The following MUC4 variants were observed in gnomAD, a reference collection of about 807,000 sequenced individuals.
The protein encoded by MUC4 is mucin 4, cell surface associated.
Under a neutral mutation model 257.9 loss-of-function variants are expected in MUC4, and 202 were observed. The ratio of observed to expected loss-of-function variants is 0.78; its 90% CI spans 0.70 to 0.88. The LOEUF is 0.88. Among genes scored for constraint, MUC4 ranks in the 40% least tolerant of loss-of-function variants. MUC4 has a pLI of 0.00. For synonymous variants in MUC4, 2,351 were observed against 2,757.1 expected (o/e 0.85, Z 4.62); for missense variants, 5,976 against 6,513.7 (o/e 0.92, Z 2.84).
At chr3:195,800,623 C>A (rs1735175696) in intron 1 of MUC4, among the ~76,000 whole-genome samples, 1 of 152,136 alleles carries the variant, frequency 6.6e-6, no homozygotes, top group African/African-American at 2.4e-5. Context: ...AAACAATTTG[C>A]AGATAACTCA....
Position 195,770,351 on chromosome 3 carries a change from A to G in MUC4, c.13263T>C (p.Gly4421=). 1 of 1,613,792 alleles carries G rather than the reference A, an allele frequency of 6.2e-7. No homozygotes were observed. Among genetic ancestry groups the G allele is most frequent in the East Asian group, 2.2e-5 (1 of 44,882 alleles). Residue 4421 remains glycine, a synonymous_variant, in exon 6 of 25, where the codon GGT becomes GGC. Transcript: ENST00000463781. ...CCTGCTGGACTAGCAGGCTGTGTTCACCATAGAACGTCTCGTATTCCTAGG... is the reference window on the plus strand; with the variant it reads ...CCTGCTGGACTAGCAGGCTGTGTTCGCCATAGAACGTCTCGTATTCCTAGG... ...TFYQEYETFY[G]EHSLLVQQAE...
Position 195,747,267 on chromosome 3 carries a change from A to G in MUC4, c.16148T>C (p.Leu5383Pro), listed in dbSNP as rs140904478. The G allele has an allele frequency of 1.0e-3, 1,678 of 1,613,242 alleles. No homozygotes were observed. In the African/African-American group the frequency reaches 0.02, roughly 19 times the overall value. Reference sequence around the variant, plus strand: ...CAGGACCACGAACGTCCCGACCCCCAGCAGCAAGAGGCCGCCCAGGGCCCC... The same window carrying G: ...CAGGACCACGAACGTCCCGACCCCCGGCAGCAAGAGGCCGCCCAGGGCCCC... Reference protein sequence around the residue: ...FFGALGGLLLLGVGTFVVLRF... With the variant: ...FFGALGGLLLPGVGTFVVLRF... The change falls in exon 25 of 25, where the codon CTG becomes CCG. Residue 5383 changes from leucine (L) to proline (P), a missense_variant. Physicochemically the swap from Leu to Pro is moderately conservative, Grantham distance 98 (BLOSUM62 -3). Transcript: ENST00000463781.
rs561801234 is a variant in MUC4 at position 195,788,793 on chromosome 3, G to A, written c.2787C>T (p.Thr929=). The A allele has an allele frequency of 6.7e-5, 108 of 1,613,900 alleles. No individual in the cohort carries two copies. The East Asian group carries it at 1.5e-3, about 23-fold the overall frequency. Residue 929 remains threonine (T), a synonymous_variant, in exon 2 of 25, where the codon ACC becomes ACT. Coordinates refer to ENST00000463781, the MANE Select transcript of MUC4 (RefSeq NM_018406.7). ...TGGGTGGGACTGTTGAGAAGGTGTCGGTTGCCTGGGACGCCAGGCTGATAG... is the reference window on the plus strand; with the variant it reads ...TGGGTGGGACTGTTGAGAAGGTGTCAGTTGCCTGGGACGCCAGGCTGATAG... ...SDTISLASQA[T]DTFSTVPPTP...
chr3:195,794,167 CT>C (rs1397247477), intron 1 of MUC4, among the ~76,000 whole-genome samples: 3 of 151,388 alleles, frequency 2.0e-5, no homozygotes, highest in African/African-American at 4.9e-5. Context: ...TAAATATTGG[CT>C]TTTTTTGTTT....
In MUC4 at chr3:195,762,954, AG is replaced by A; in HGVS notation, c.14254-10del. 1 of 1,548,096 alleles carries A rather than the reference AG, an allele frequency of 6.5e-7. No individual in the cohort carries two copies. Among genetic ancestry groups the A allele is most frequent in the Non-Finnish European group, 8.7e-7 (1 of 1,145,678 alleles). The stretch of plus-strand genomic sequence containing the variant: ...TCAAGGAGCCATTGGACCTGGAAGG[AG>A]ATGGGAGGGGGCCTGAGCCCGACCC... On this transcript the variant is annotated splice_polypyrimidine_tract_variant and intron_variant, in intron 12 of 24. Transcript: ENST00000463781.
In MUC4 at chr3:195,757,378, T is replaced by G. The variant is rs758473241; in HGVS notation, c.14987-50A>C. 27 of 1,516,376 alleles carry G rather than the reference T, an allele frequency of 1.8e-5. No individual in the cohort carries two copies. Among genetic ancestry groups the G allele is most frequent in the Non-Finnish European group, 2.3e-5 (26 of 1,114,330 alleles). 93.9% of individuals were successfully genotyped at this position (1,516,376 alleles called of 1,614,324 possible). A position where few individuals can be genotyped will look rare whatever the true frequency, so the allele number is the denominator to read the frequency against. On this transcript the variant is annotated intron_variant, in intron 17 of 24. Coordinates refer to ENST00000463781, the MANE Select transcript of MUC4 (RefSeq NM_018406.7). This position sits in a 1 kb window ranked among gnomAD's most constrained non-coding sequence, Gnocchi z 4.8. ...TGAGAGCTGGGAGACTCCTCGGCTC[T>G]GTGGTCTGATTGCTGATACGGGGCT...
In MUC4 at chr3:195,788,611, G is replaced by A. The variant is rs774084909; in HGVS notation, c.2969C>T (p.Thr990Ile). The change falls in exon 2 of 25, where the codon ACC (threonine) becomes ATC (isoleucine). Residue 990 changes from threonine (T) to isoleucine (I), a missense_variant. Around this residue, in one of 44 missense-constraint regions of MUC4, gnomAD observed 1,583 missense variants for 1,257.4 expected, o/e 1.26. Coordinates refer to ENST00000463781, the MANE Select transcript of MUC4 (RefSeq NM_018406.7). ...TYASSASTGH[T>I]TPLHVTDASS... ...AGCATCGGTGACATGAAGAGGGGTGGTGTGACCTGTGGATGCCGAGGAAGC... is the reference window on the plus strand; with the variant it reads ...AGCATCGGTGACATGAAGAGGGGTGATGTGACCTGTGGATGCCGAGGAAGC... 1.2e-5 allele frequency: 19 copies of A among 1,591,918 alleles called. No individual in the cohort carries two copies. The highest frequency in any genetic ancestry group is 1.5e-5 in the Non-Finnish European group (17 of 1,168,960).
intron 7 of MUC4, among the ~76,000 whole-genome samples, chr3:195,767,531 C>CCAT (rs1378206795): frequency 1.4e-4 from 12 of 88,216 alleles, no homozygotes; most frequent in African/African-American, 3.4e-4. Context: ...ACCACCATCG[C>CCAT]CACCACCATC....
In MUC4 at chr3:195,774,163, C is replaced by G. The variant is rs367555516; in HGVS notation, c.13077+9G>C. 1.1e-5 allele frequency: 17 copies of G among 1,600,582 alleles called. No individual in the cohort carries two copies. Among genetic ancestry groups the G allele is most frequent in the Non-Finnish European group, 1.4e-5 (17 of 1,174,680 alleles). ...AGTTCAGGCTGCGCGGGCCGCAGCCCGGACTCACGTAGAGGGAATCACGGA... is the reference window on the plus strand; with the variant it reads ...AGTTCAGGCTGCGCGGGCCGCAGCCGGGACTCACGTAGAGGGAATCACGGA... On this transcript the variant is annotated intron_variant, in intron 4 of 24. Transcript: ENST00000463781.
intron 1 of MUC4, among the ~76,000 whole-genome samples, chr3:195,804,497 A>C (rs112466246): frequency 0.015 from 2,301 of 152,318 alleles, 73 homozygotes; most frequent in African/African-American, 0.052. Context: ...GCGGCTTTCT[A>C]AGTGCTGTGG....
chr3:195,762,840 C>T lies in MUC4; in HGVS notation c.14344+15G>A, dbSNP rs753070709. 32 of 1,538,910 alleles carry T rather than the reference C, an allele frequency of 2.1e-5. No individual in the cohort carries two copies. The highest frequency in any genetic ancestry group is 2.1e-4 in the African/African-American group (15 of 72,328). On this transcript the variant is annotated intron_variant, in intron 13 of 24. Transcript: ENST00000463781. ...CCCGGTGCGGGGAGGGGGCGGCCGG[C>T]GCTCCCCAACCTACCTCCGCCGTCT...
At chr3:195,763,932 C>T (rs1008771163) in intron 11 of MUC4, 113 bp downstream of exon 11, 9 of 1,422,286 alleles carry the variant, frequency 6.3e-6, no homozygotes, top group Non-Finnish European at 8.4e-6. Context: ...TCATCTCCAT[C>T]TTCCCTTGTG....
chr3:195,767,820 CCACCACCACCAT>C (rs1157513190), intron 7 of MUC4, among the ~76,000 whole-genome samples: 2 of 41,548 alleles, frequency 4.8e-5, no homozygotes, highest in East Asian at 3.2e-3. Flanking sequence ...ACCATCACCA[CCACCACCACCAT>C]CACCACCACC....
In MUC4 at chr3:195,789,075, G is replaced by C. The variant is rs752724482; in HGVS notation, c.2505C>G (p.Ser835=). The C allele has an allele frequency of 1.9e-6, 3 of 1,613,632 alleles. No individual in the cohort carries two copies. Among genetic ancestry groups the C allele is most frequent in the South Asian group, 2.2e-5 (2 of 91,048 alleles). ...TTGACTGGGTTGTGTGACTGTCCCT[G>C]GAGGGGTTTGATGAAAACCTTGTCG... ...GETTRFSSNP[S]RDSHTTQSTT... The change falls in exon 2 of 25, where the codon TCC becomes TCG. Residue 835 remains serine, a synonymous_variant. Coordinates refer to ENST00000463781, the MANE Select transcript of MUC4 (RefSeq NM_018406.7).
intron 7 of MUC4, 21 bp from the exon 8 acceptor site, chr3:195,766,772 T>C (rs1432530662): frequency 5.0e-6 from 8 of 1,609,958 alleles, no homozygotes; most frequent in Non-Finnish European, 6.8e-6. Flanking sequence ...GGAGAGACTC[T>C]CAGGCCTCTG....
chr3:195,803,103 C>T (rs1372003763), intron 1 of MUC4, among the ~76,000 whole-genome samples: 1 of 152,142 alleles, frequency 6.6e-6, no homozygotes, highest in Non-Finnish European at 1.5e-5. Context: ...ATATGTCTTC[C>T]TAAAAGTTGC....
chr3:195,763,145 T>C (rs1163234779), intron 12 of MUC4, among the ~76,000 whole-genome samples, 200 bp from the exon 13 acceptor site: 1 of 152,248 alleles, frequency 6.6e-6, no homozygotes, highest in Non-Finnish European at 1.5e-5. Context: ...TTATGCCCTT[T>C]AGCTCTTACA....
rs368906290 is a variant in MUC4, at chr3:195,788,983, G to A, written c.2597C>T (p.Ser866Leu). 15 of 1,613,630 alleles carry A rather than the reference G, an allele frequency of 9.3e-6. No homozygotes were observed. The highest frequency in any genetic ancestry group is 6.7e-5 in the African/African-American group (5 of 74,864). Residue 866 changes from serine to leucine, a missense_variant, in exon 2 of 25, where the codon TCG becomes TTG. Ser to Leu is a moderately radical substitution (Grantham distance 145). Transcript: ENST00000463781. Reference protein sequence around the residue: ...AIPVSTGMASSIVPGTFHPTL... With the variant: ...AIPVSTGMASLIVPGTFHPTL... ...GGGATGAAAGGTGCCGGGGACGATCGAAGACGCCATTCCTGTGCTTACTGG... is the reference window on the plus strand; with the variant it reads ...GGGATGAAAGGTGCCGGGGACGATCAAAGACGCCATTCCTGTGCTTACTGG...
chr3:195,776,339 C>T (rs1429444634), intron 3 of MUC4, among the ~76,000 whole-genome samples: 2 of 44,912 alleles, frequency 4.5e-5, no homozygotes, highest in Non-Finnish European at 4.4e-5. Context: ...ACCTTCCACA[C>T]CCATACCTTC....
Sources: allele counts gnomAD v4.1 joint callset (sites outside exome capture counted in the v4.1 genomes callset), GRCh38; gene constraint gnomAD v4.1.1; regional missense constraint gnomAD v4.1.1; non-coding constraint Gnocchi (gnomAD v3.1); transcripts MANE v1.5; gene names NCBI Gene and HGNC (gene_info 2026-07-23, HGNC 2026-07-21).